SGCZ: variants seen among roughly 807,000 people sequenced by gnomAD.
SGCZ encodes zeta-sarcoglycan.
In SGCZ, 40 loss-of-function variants were observed where a neutral mutation model predicts 41.3. The observed-to-expected ratio is 0.97, with a 90% CI of 0.75 to 1.26. SGCZ has a LOEUF of 1.26. Ranked by LOEUF, SGCZ falls within the 50% of genes most tolerant of loss-of-function variation. SGCZ has a pLI of 0.00. For missense variants in SGCZ, 552 were observed against 369.8 expected (o/e 1.49, Z -4.04); for synonymous variants, 206 against 137.5 (o/e 1.50, Z -3.49).
chr8:14,112,432 T>A (rs1414079846), intron 5 of SGCZ, among the ~76,000 whole-genome samples: 1 of 152,072 alleles, frequency 6.6e-6, no homozygotes, highest in Admixed American at 6.6e-5. Context: ...TTGACAGGTA[T>A]CTTAGCTTTT....
chr8:15,057,521 A>G (rs1804758934), intron 1 of SGCZ, among the ~76,000 whole-genome samples: 1 of 152,246 alleles, frequency 6.6e-6, no homozygotes, highest in African/African-American at 2.4e-5. Context: ...AATATATATT[A>G]TTACATTATT....
intron 1 of SGCZ, among the ~76,000 whole-genome samples, chr8:15,140,275 T>A (rs559815393): frequency 6.6e-6 from 1 of 152,256 alleles, no homozygotes; most frequent in Admixed American, 6.5e-5. Context: ...TCCTCCCACA[T>A]TGGCCTCCCA....
chr8:14,514,994 C>T (rs17119525), intron 2 of SGCZ, among the ~76,000 whole-genome samples: 72,735 of 151,534 alleles, frequency 0.48, 17,783 homozygotes, highest in East Asian at 0.66. Flanking sequence ...TTTTCTAAGA[C>T]AAAATATTAA....
intron 1 of SGCZ, among the ~76,000 whole-genome samples, chr8:14,794,721 C>T (rs750607915): frequency 5.9e-5 from 9 of 152,092 alleles, no homozygotes; most frequent in Non-Finnish European, 1.0e-4. Flanking sequence ...AATAGGCTCA[C>T]GAAAAGACAT....
chr8:14,402,506 T>C (rs1217634941), intron 2 of SGCZ, among the ~76,000 whole-genome samples: 1 of 150,516 alleles, frequency 6.6e-6, no homozygotes, highest in African/African-American at 2.5e-5. Flanking sequence ...TTTCTACCTA[T>C]GGCTAGCCAG....
chr8:15,055,859 G>C (rs1356043004), intron 1 of SGCZ, among the ~76,000 whole-genome samples: 1 of 152,164 alleles, frequency 6.6e-6, no homozygotes, highest in Non-Finnish European at 1.5e-5. Context: ...CCATGCCTTT[G>C]CTGCTCCACC....
chr8:14,877,261 C>T (rs1259744220), intron 1 of SGCZ, among the ~76,000 whole-genome samples: 1 of 152,162 alleles, frequency 6.6e-6, no homozygotes, highest in Non-Finnish European at 1.5e-5. Context: ...GTGTGAGCCA[C>T]CACACCAAGC....
chr8:14,592,470 CT>C (rs1395044132), intron 1 of SGCZ, among the ~76,000 whole-genome samples: 1 of 151,920 alleles, frequency 6.6e-6, no homozygotes, highest in Non-Finnish European at 1.5e-5. Context: ...GTAATTCTTT[CT>C]TAATTTTACA....
intron 2 of SGCZ, among the ~76,000 whole-genome samples, chr8:14,372,952 G>A (rs1210979129): frequency 6.6e-6 from 1 of 152,148 alleles, no homozygotes; most frequent in African/African-American, 2.4e-5. Context: ...GAGCATAGAT[G>A]TGACATTATG....
chr8:14,598,593 C>T (rs938319503), intron 1 of SGCZ, among the ~76,000 whole-genome samples: 5 of 151,714 alleles, frequency 3.3e-5, no homozygotes, highest in Admixed American at 6.6e-5. Flanking sequence ...GTGGTGCAAT[C>T]GTCAGCTCAC....
intron 2 of SGCZ, among the ~76,000 whole-genome samples, chr8:14,464,647 T>C (rs996803475): frequency 6.6e-6 from 1 of 151,558 alleles, no homozygotes; most frequent in Admixed American, 6.6e-5. Flanking sequence ...TTGGGTTTAG[T>C]TTGTTCTTCT....
rs562490082 is a variant in SGCZ, at chr8:14,780,303, G to C, written c.40-225377C>G. Among the ~76,000 whole-genome samples, 350 of 151,270 alleles carry C rather than the reference G, an allele frequency of 2.3e-3. 3 individuals carry two copies. The highest frequency in any genetic ancestry group is 8.1e-3 in the African/African-American group (335 of 41,248). ...GGCAGGAGAATAGCACGAACCCGGG[G>C]GGCAGAGCTTGCAGTGAGCTGAGAT... On this transcript the variant is annotated intron_variant, in intron 1 of 7. Coordinates refer to ENST00000382080, the MANE Select transcript of SGCZ (RefSeq NM_139167.4).
chr8:14,234,678 G>A (rs561345236), intron 4 of SGCZ, among the ~76,000 whole-genome samples: 1 of 151,820 alleles, frequency 6.6e-6, no homozygotes, highest in Non-Finnish European at 1.5e-5. Flanking sequence ...GAAAGAATAA[G>A]AAAAGAAATA....
chr8:14,990,789 C>T (rs551531133), intron 1 of SGCZ, among the ~76,000 whole-genome samples: 77 of 152,200 alleles, frequency 5.1e-4, no homozygotes, highest in South Asian at 1.0e-3. Flanking sequence ...AAATTGTCTT[C>T]CATGAAAGTT....
chr8:14,853,444 C>T (rs745918626), intron 1 of SGCZ: 1 of 532,462 alleles, frequency 1.9e-6, no homozygotes, highest in Non-Finnish European at 3.9e-6. Context: ...CTTGCTCTTT[C>T]TGACCAGGCA....
At chr8:14,508,448 T>G (rs1386522433) in intron 2 of SGCZ, among the ~76,000 whole-genome samples, 1 of 152,188 alleles carries the variant, frequency 6.6e-6, no homozygotes, top group Non-Finnish European at 1.5e-5. Context: ...AAGATCCACC[T>G]GCCATGACTG....
chr8:15,043,692 A>G (rs1563462518), intron 1 of SGCZ, among the ~76,000 whole-genome samples: 1 of 152,156 alleles, frequency 6.6e-6, no homozygotes, highest in Non-Finnish European at 1.5e-5. Context: ...CTTTTCATAT[A>G]CAAACATGAG....
chr8:14,136,660 G>T (rs1290971555), intron 5 of SGCZ, among the ~76,000 whole-genome samples: 1 of 152,126 alleles, frequency 6.6e-6, no homozygotes, highest in African/African-American at 2.4e-5. Context: ...GCTCCAACTG[G>T]ATGCAGCCCA....
intron 2 of SGCZ, among the ~76,000 whole-genome samples, chr8:14,377,178 G>A (rs193189368): frequency 1.8e-4 from 28 of 152,208 alleles, no homozygotes. Flanking sequence ...GAGAAGAGAG[G>A]GACTTGAGAT....
Sources: gnomAD v4.1 joint callset for allele counts (sites outside exome capture counted in the v4.1 genomes callset) on GRCh38, gnomAD v4.1.1 for gene constraint, MANE v1.5 for transcripts, NCBI Gene and HGNC (gene_info 2026-07-23, HGNC 2026-07-21) for gene names.